The following TMEM45A variants were observed in gnomAD, a reference collection of about 807,000 sequenced individuals.
The protein encoded by TMEM45A is transmembrane protein 45A.
In TMEM45A, 25 loss-of-function variants were observed where a neutral mutation model predicts 32.0. The observed-to-expected ratio is 0.78, with a 90% CI of 0.57 to 1.09. The LOEUF is 1.09. Ranked by LOEUF, TMEM45A falls within the 50% of genes least tolerant of loss-of-function variation. The pLI, the probability that TMEM45A is intolerant of heterozygous loss-of-function variation, is 0.00. For synonymous variants in TMEM45A, 122 were observed against 114.8 expected, an observed-to-expected ratio of 1.06 and a Z score of -0.40; for missense variants, 302 against 325.0, an observed-to-expected ratio of 0.93 and a Z score of 0.54.
chr3:100,502,109 C>G (rs2148927328), intron 1 of TMEM45A, among the ~76,000 whole-genome samples: 1 of 152,090 alleles, frequency 6.6e-6, no homozygotes, highest in East Asian at 1.9e-4. Context: ...AGAATACATT[C>G]TTCATATCCA....
At chr3:100,511,413 A>G (rs1385712914) in intron 1 of TMEM45A, among the ~76,000 whole-genome samples, 1 of 150,934 alleles carries the variant, frequency 6.6e-6, no homozygotes, top group African/African-American at 2.4e-5. Context: ...CTTTACAGAC[A>G]AGCAAATGCT....
Position 100,505,461 on chromosome 3 carries a change from C to T in TMEM45A, c.-4+12533C>T, listed in dbSNP as rs75325189. On this transcript the variant is annotated intron_variant, in intron 1 of 5. Transcript: ENST00000323523. The stretch of plus-strand genomic sequence containing the variant: ...AATTGCCATGGCAATGGCAACAATT[C>T]TCACATTTTAGTGGCAGGAAATTTA... Among the ~76,000 whole-genome samples, 1,219 of 152,290 alleles carry T rather than the reference C, an allele frequency of 8.0e-3. 18 individuals are homozygous for T. Among genetic ancestry groups the T allele is most frequent in the African/African-American group, 0.028 (1,158 of 41,534 alleles).
At chr3:100,527,497 C>T (rs1051524397) in intron 1 of TMEM45A, among the ~76,000 whole-genome samples, 1 of 152,070 alleles carries the variant, frequency 6.6e-6, no homozygotes, top group African/African-American at 2.4e-5. Flanking sequence ...ACTGTGGTTA[C>T]AGAATGCTGG....
At chr3:100,563,643 A>C (rs4928066) in intron 4 of TMEM45A, among the ~76,000 whole-genome samples, 8,778 of 152,298 alleles carry the variant, frequency 0.058, 280 homozygotes, top group Admixed American at 0.074. Context: ...ACCCCAGCTT[A>C]GATAACTGGG....
intron 4 of TMEM45A, among the ~76,000 whole-genome samples, chr3:100,567,392 T>G (rs1706463766): frequency 6.6e-6 from 1 of 151,950 alleles, no homozygotes; most frequent in African/African-American, 2.4e-5. Flanking sequence ...AGTATCACAC[T>G]GTTGTTTTGA....
At position 100,513,638 on chromosome 3, in the gene TMEM45A, G is replaced by A. The variant is rs1708207099; in HGVS notation, c.-4+20710G>A. ...AAGTTCTGGCCAGGGCAATTAGGCA[G>A]GAGAAGGAAATAAAGGGTATTCAAT... On this transcript the variant is annotated intron_variant, in intron 1 of 5. Transcript: ENST00000323523. 2.0e-5 allele frequency among the ~76,000 whole-genome samples: 3 copies of A among 150,814 alleles called. No homozygotes were observed. In the South Asian group the frequency reaches 6.3e-4, roughly 31 times the overall value.
intron 5 of TMEM45A, among the ~76,000 whole-genome samples, chr3:100,569,819 G>A (rs1304880367): frequency 6.6e-6 from 1 of 152,180 alleles, no homozygotes; most frequent in Non-Finnish European, 1.5e-5. Flanking sequence ...ACTAAATTAG[G>A]GAGATGCACA....
intron 1 of TMEM45A, among the ~76,000 whole-genome samples, chr3:100,535,280 A>G (rs1465977036): frequency 6.6e-6 from 1 of 151,892 alleles, no homozygotes; most frequent in African/African-American, 2.4e-5. Flanking sequence ...TGCCTGGCTA[A>G]TTTTTGTATT....
chr3:100,555,956 A>G (rs1706213594), intron 2 of TMEM45A, among the ~76,000 whole-genome samples: 2 of 152,130 alleles, frequency 1.3e-5, no homozygotes, highest in African/African-American at 4.8e-5. Context: ...ACCAGACTAG[A>G]TCGTCTGCTG....
chr3:100,548,127 A>C (rs1706017629), intron 1 of TMEM45A, among the ~76,000 whole-genome samples: 1 of 152,060 alleles, frequency 6.6e-6, no homozygotes, highest in Non-Finnish European at 1.5e-5. Flanking sequence ...TAGAGTGGTT[A>C]TTTTCTTCTG....
chr3:100,513,962 C>G (rs1474483948), intron 1 of TMEM45A, among the ~76,000 whole-genome samples: 1 of 151,846 alleles, frequency 6.6e-6, no homozygotes. Flanking sequence ...AACCACTGCT[C>G]AAGGAAATAA....
chr3:100,512,621 A>T lies in TMEM45A; in HGVS notation c.-4+19693A>T, dbSNP rs763129437. Among the ~76,000 whole-genome samples, 780 of 151,062 alleles carry T rather than the reference A, an allele frequency of 5.2e-3. 6 individuals are homozygous for T. Among genetic ancestry groups the T allele is most frequent in the Non-Finnish European group, 8.1e-3 (547 of 67,346 alleles). ...CTAGCAGAAGGCAAGAAATAACTAA[A>T]ATCAGAGCAGAACTGAAGGAAATAG... is the stretch of plus-strand genomic sequence containing the variant. On this transcript the variant is annotated intron_variant, in intron 1 of 5. Coordinates refer to ENST00000323523, the MANE Select transcript of TMEM45A (RefSeq NM_018004.3).
intron 1 of TMEM45A, among the ~76,000 whole-genome samples, chr3:100,533,683 G>A (rs961861308): frequency 6.6e-6 from 1 of 152,084 alleles, no homozygotes; most frequent in Non-Finnish European, 1.5e-5. Context: ...GTTCCTGCCT[G>A]AGGAAGAAGA....
chr3:100,503,667 C>T (rs1364922696), intron 1 of TMEM45A, among the ~76,000 whole-genome samples: 1 of 152,178 alleles, frequency 6.6e-6, no homozygotes. Context: ...CACAATCTTG[C>T]TATGAAGCTT....
chr3:100,576,657 A>G (rs1706694158), intron 5 of TMEM45A, among the ~76,000 whole-genome samples: 1 of 152,126 alleles, frequency 6.6e-6, no homozygotes, highest in Non-Finnish European at 1.5e-5. Context: ...AAGAAAAAGA[A>G]AAAGAAATGA....
At chr3:100,561,100 C>G (rs751876610) in intron 4 of TMEM45A, among the ~76,000 whole-genome samples, 2 of 152,082 alleles carry the variant, frequency 1.3e-5, no homozygotes, top group African/African-American at 4.8e-5. Flanking sequence ...TTAATACCAG[C>G]GCAAACACAC....
chr3:100,572,747 G>A (rs1706592783), intron 5 of TMEM45A: 1 of 151,396 alleles, frequency 6.6e-6, no homozygotes, highest in South Asian at 2.1e-4. Flanking sequence ...TAACATGTAA[G>A]TCTTTAATCC....
intron 1 of TMEM45A, among the ~76,000 whole-genome samples, chr3:100,554,652 T>C (rs1479044996): frequency 6.6e-6 from 1 of 152,254 alleles, no homozygotes; most frequent in Non-Finnish European, 1.5e-5. Context: ...GCTTGATATT[T>C]TGAAATTATC....
At chr3:100,567,518 CAAAAAA>C (rs780009246) in intron 4 of TMEM45A, among the ~76,000 whole-genome samples, 1 of 63,498 alleles carries the variant, frequency 1.6e-5, no homozygotes, top group African/African-American at 5.8e-5. Context: ...ACCATTTCTG[CAAAAAA>C]AAAAAAAAAA....
Sources: allele counts gnomAD v4.1 joint callset (sites outside exome capture counted in the v4.1 genomes callset), GRCh38; gene constraint gnomAD v4.1.1; transcripts MANE v1.5; gene names NCBI Gene and HGNC (gene_info 2026-07-23, HGNC 2026-07-21).